The following DCLK1 variants were observed in gnomAD, a reference collection of about 807,000 sequenced individuals.
The protein encoded by DCLK1 is doublecortin like kinase 1.
A neutral mutation model predicts 86.2 loss-of-function variants in DCLK1; 16 were observed. The observed-to-expected ratio is 0.19, with a 90% confidence interval of 0.13 to 0.28. The LOEUF is 0.28. Among genes scored for constraint, DCLK1 ranks in the 10% least tolerant of loss-of-function variants. DCLK1 has a pLI of 1.00. For missense variants in DCLK1, 590 were observed against 940.2 expected, an observed-to-expected ratio of 0.63 and a Z score of 4.87; for synonymous variants, 369 against 370.5, an observed-to-expected ratio of 1.00 and a Z score of 0.05.
chr13:36,084,314 A>G (rs1340069470), intron 3 of DCLK1, among the ~76,000 whole-genome samples: 1 of 152,206 alleles, frequency 6.6e-6, no homozygotes, highest in African/African-American at 2.4e-5. Flanking sequence ...GGTTTTAGAA[A>G]CTGGACCACA....
rs767914664 is a variant in DCLK1, at chr13:35,774,586, G to C, written c.2172C>G (p.Asp724Glu). Residue 724 changes from aspartate to glutamate, a missense_variant, in exon 17 of 17, where the codon GAC becomes GAG. Physicochemically the swap from Asp to Glu is conservative, Grantham distance 45 (BLOSUM62 2). Around this residue, in one of 6 missense-constraint regions of DCLK1, gnomAD observed 146 missense variants for 190.2 expected, o/e 0.77. Transcript: ENST00000360631. ...CAGTCTCGGAGGAGCTTGGGGAGTA[G>C]TCTTCCGATTCCGAGTTGAGTTCGG... ...APPELNSESE[D>E]YSPSSSETVR... 1 of 1,574,944 alleles carries C rather than the reference G, an allele frequency of 6.3e-7. No homozygotes were observed. The highest frequency in any genetic ancestry group is 2.3e-5 in the East Asian group (1 of 42,612).
At chr13:35,998,917 T>A (rs1238428822) in intron 3 of DCLK1, among the ~76,000 whole-genome samples, 1 of 152,126 alleles carries the variant, frequency 6.6e-6, no homozygotes. Flanking sequence ...AATCACTAAT[T>A]TCAATGGTGA....
chr13:35,896,657 C>G (rs755199951), intron 4 of DCLK1, among the ~76,000 whole-genome samples: 3 of 150,428 alleles, frequency 2.0e-5, no homozygotes, highest in Non-Finnish European at 4.4e-5. Context: ...ATTGAGGCAT[C>G]CAGTAAAGCT....
At chr13:35,781,060 A>G (rs1056040303) in intron 16 of DCLK1, among the ~76,000 whole-genome samples, 2 of 152,254 alleles carry the variant, frequency 1.3e-5, no homozygotes, top group African/African-American at 4.8e-5. Context: ...AAATCAGTAT[A>G]AAGACATATG....
At chr13:35,872,984 T>C (rs1872376512) in intron 4 of DCLK1, among the ~76,000 whole-genome samples, 1 of 152,208 alleles carries the variant, frequency 6.6e-6, no homozygotes, top group African/African-American at 2.4e-5. Flanking sequence ...TCATATTTTG[T>C]AATATGTTTA....
intron 3 of DCLK1, among the ~76,000 whole-genome samples, chr13:36,097,617 T>C (rs964387686): frequency 6.6e-6 from 1 of 152,118 alleles, no homozygotes. Flanking sequence ...CAAATAGGAA[T>C]CAAAATAGCA....
intron 4 of DCLK1, among the ~76,000 whole-genome samples, chr13:35,944,899 T>TTTTA (rs965568801): frequency 2.6e-5 from 4 of 152,144 alleles, no homozygotes; most frequent in Non-Finnish European, 4.4e-5. Context: ...TTTTTTATTC[T>TTTTA]TTTATTTATT....
At position 35,836,374 on chromosome 13, in the gene DCLK1, T is replaced by C. The variant is rs74046514; in HGVS notation, c.1121-233A>G. Among the ~76,000 whole-genome samples the C allele has an allele frequency of 5.5e-3, 833 of 152,276 alleles. 7 individuals carry two copies. Among genetic ancestry groups the C allele is most frequent in the African/African-American group, 0.019 (781 of 41,554 alleles). ...AACGTAAGGGGTCCACTCCCACCTA[T>C]ATAAGAGAAACTTGAGTTTTCTGAT... On this transcript the variant is annotated intron_variant, in intron 7 of 16. Coordinates refer to ENST00000360631, the MANE Select transcript of DCLK1 (RefSeq NM_001330071.2).
chr13:36,076,971 A>C (rs959306283), intron 3 of DCLK1, among the ~76,000 whole-genome samples: 2 of 152,230 alleles, frequency 1.3e-5, no homozygotes, highest in African/African-American at 4.8e-5. Context: ...TATATAATAG[A>C]TATGATAATG....
chr13:36,118,732 A>T (rs2138204306), intron 2 of DCLK1, among the ~76,000 whole-genome samples: 1 of 152,318 alleles, frequency 6.6e-6, no homozygotes, highest in East Asian at 1.9e-4. Flanking sequence ...GTGATGTCTT[A>T]GTCCTTTGGC....
intron 5 of DCLK1, among the ~76,000 whole-genome samples, chr13:35,869,617 C>A (rs985101351): frequency 6.6e-6 from 1 of 152,146 alleles, no homozygotes; most frequent in East Asian, 1.9e-4. Flanking sequence ...ATGTTTTCTG[C>A]ATTTACTTCC....
chr13:36,001,852 T>C (rs777665829), intron 3 of DCLK1, among the ~76,000 whole-genome samples: 6 of 152,168 alleles, frequency 3.9e-5, no homozygotes, highest in Non-Finnish European at 2.9e-5. Context: ...TAACTGGGAA[T>C]GAAAGCCCAT....
chr13:35,946,157 C>T (rs1225499914), intron 4 of DCLK1, among the ~76,000 whole-genome samples: 1 of 152,066 alleles, frequency 6.6e-6, no homozygotes, highest in African/African-American at 2.4e-5. Context: ...GGACTGCAGG[C>T]GTGCACCACC....
chr13:35,827,261 G>A (rs1868550358), intron 10 of DCLK1, among the ~76,000 whole-genome samples: 1 of 152,130 alleles, frequency 6.6e-6, no homozygotes. Context: ...TATAGTTCAT[G>A]GAAAAGTGAA....
At chr13:35,846,775 C>T (rs1593655793) in intron 6 of DCLK1, 1 of 985,170 alleles carries the variant, frequency 1.0e-6, no homozygotes, top group African/African-American at 1.7e-5. Flanking sequence ...CATAAATGAG[C>T]AAATGTATGC....
chr13:36,090,765 G>C (rs747004045), intron 3 of DCLK1, among the ~76,000 whole-genome samples: 1 of 152,106 alleles, frequency 6.6e-6, no homozygotes, highest in Non-Finnish European at 1.5e-5. Context: ...GAATGCTCTC[G>C]TGAGGTCAGT....
At chr13:36,082,560 AC>A (rs1481401201) in intron 3 of DCLK1, among the ~76,000 whole-genome samples, 1 of 152,102 alleles carries the variant, frequency 6.6e-6, no homozygotes, top group Non-Finnish European at 1.5e-5. Flanking sequence ...TAAATTCTCA[AC>A]AAAGAGTTGG....
chr13:35,813,918 T>C (rs2087208086), intron 11 of DCLK1, among the ~76,000 whole-genome samples: 2 of 152,178 alleles, frequency 1.3e-5, no homozygotes, highest in South Asian at 4.2e-4. Flanking sequence ...TGCAGGTGAA[T>C]AAATGTCCAG....
chr13:36,127,988 C>T (rs923383494), intron 1 of DCLK1, among the ~76,000 whole-genome samples: 11 of 152,210 alleles, frequency 7.2e-5, no homozygotes, highest in African/African-American at 2.2e-4. Flanking sequence ...AAGAACCTTA[C>T]AAGCACTCCC....
Sources: allele counts gnomAD v4.1 joint callset (sites outside exome capture counted in the v4.1 genomes callset), GRCh38; gene constraint gnomAD v4.1.1; regional missense constraint gnomAD v4.1.1; transcripts MANE v1.5; gene names NCBI Gene and HGNC (gene_info 2026-07-23, HGNC 2026-07-21).